PKD2L1: variants seen among roughly 807,000 people sequenced by gnomAD.
PKD2L1 encodes polycystin 2 like 1, transient receptor potential cation channel, also known as polycystin-2-like protein 1.
A neutral mutation model predicts 93.0 loss-of-function variants in PKD2L1; 77 were observed. The ratio of observed to expected loss-of-function variants is 0.83; its 90% CI spans 0.69 to 1.00. The LOEUF (loss-of-function observed/expected upper bound fraction) is 1.00, where lower values mean the gene tolerates loss of function less well. Among genes scored for constraint, PKD2L1 ranks in the 50% least tolerant of loss-of-function variants. The probability of loss-of-function intolerance (pLI) is 0.00; values close to 1 mark genes in which losing one functional copy is unlikely to be tolerated. For synonymous variants in PKD2L1, 390 were observed against 388.0 expected, an observed-to-expected ratio of 1.01 and a Z score of -0.06; for missense variants, 977 against 990.9, an observed-to-expected ratio of 0.99 and a Z score of 0.19.
rs370364209 is a variant in PKD2L1, at chr10:100,293,351, G to A, written c.1688C>T (p.Thr563Ile). The A allele has an allele frequency of 8.7e-6, 14 of 1,612,926 alleles. No individual in the cohort carries two copies. In the African/African-American group the frequency reaches 1.5e-4, roughly 17 times the overall value. The change falls in exon 10 of 16, where the codon ACA becomes ATA. Residue 563 changes from threonine to isoleucine, a missense_variant. Transcript: ENST00000318222. ...CAGCTCCTCCTTGACCTCTGAATAT[G>A]TGTCATTGATGATGGCCAGGAACAT... The part of the protein sequence containing the change: ...LNMFLAIIND[T>I]YSEVKEELAG...
rs970923785 is a variant in PKD2L1, at chr10:100,330,168, G to A, written c.-65C>T. ...CTCTCAGCTAGAGGAAGAGGGAGCA[G>A]AGGCACAGCCCAGCCTAGCCAGCAG... On this transcript the variant is annotated 5_prime_UTR_variant, in exon 1 of 16. Transcript: ENST00000318222. 8.7e-6 allele frequency: 9 copies of A among 1,034,330 alleles called. No homozygotes were observed. Among genetic ancestry groups the A allele is most frequent in the African/African-American group, 1.6e-5 (1 of 62,520 alleles). 64.1% of individuals were successfully genotyped at this position (1,034,330 alleles called of 1,614,324 possible).
chr10:100,302,017 T>G (rs1271137442), intron 2 of PKD2L1, among the ~76,000 whole-genome samples: 4 of 152,166 alleles, frequency 2.6e-5, no homozygotes, highest in Non-Finnish European at 5.9e-5. Flanking sequence ...GTATTTTTAG[T>G]AGAGATGGCG....
At chr10:100,293,748 C>T (rs1848459423) in intron 9 of PKD2L1, among the ~76,000 whole-genome samples, 2 of 152,122 alleles carry the variant, frequency 1.3e-5, no homozygotes, top group African/African-American at 2.4e-5. Context: ...TCATCTACCC[C>T]CCAATCCATA....
chr10:100,299,857 G>T, intron 2 of PKD2L1, 139 bp from the exon 3 acceptor site: 2 of 696,178 alleles, frequency 2.9e-6, no homozygotes, highest in South Asian at 3.8e-5. Flanking sequence ...ACTTGGTTAG[G>T]AGCCTAATGG....
intron 2 of PKD2L1, among the ~76,000 whole-genome samples, chr10:100,326,897 T>C (rs1228544219): frequency 6.6e-6 from 1 of 152,134 alleles, no homozygotes; most frequent in Non-Finnish European, 1.5e-5. Flanking sequence ...GTATTATGAA[T>C]GACTAGTTTA....
chr10:100,294,810 TG>T, intron 8 of PKD2L1, 131 bp downstream of exon 8: 2 of 1,312,182 alleles, frequency 1.5e-6, no homozygotes, highest in Non-Finnish European at 2.1e-6. Flanking sequence ...CCAGGGCTTC[TG>T]GAGACCCTCA....
At chr10:100,294,771 A>G in intron 8 of PKD2L1, 116 bp from the exon 9 acceptor site, 1 of 1,451,800 alleles carries the variant, frequency 6.9e-7, no homozygotes, top group Non-Finnish European at 9.6e-7. Flanking sequence ...GACACAGGGC[A>G]GGGTGCTTAG....
intron 2 of PKD2L1, among the ~76,000 whole-genome samples, chr10:100,314,790 T>A (rs112118379): frequency 6.6e-6 from 1 of 151,782 alleles, no homozygotes; most frequent in African/African-American, 2.4e-5. Context: ...CCCAGCACTT[T>A]GGGAGGCTGA....
intron 2 of PKD2L1, among the ~76,000 whole-genome samples, chr10:100,325,628 G>C (rs1849361470): frequency 6.6e-6 from 1 of 152,176 alleles, no homozygotes; most frequent in Admixed American, 6.5e-5. Context: ...GTAGTCTAAG[G>C]ATTTCAGGGT....
chr10:100,316,423 C>T (rs1212380313), intron 2 of PKD2L1, among the ~76,000 whole-genome samples: 2 of 152,218 alleles, frequency 1.3e-5, no homozygotes, highest in African/African-American at 2.4e-5. Context: ...CTGCCTGCCT[C>T]GGCCTCCCAA....
At chr10:100,329,364 A>G in intron 1 of PKD2L1, 40 bp from the exon 2 acceptor site, 2 of 1,613,750 alleles carry the variant, frequency 1.2e-6, no homozygotes, top group Non-Finnish European at 1.7e-6. Flanking sequence ...GCTCAGTGGC[A>G]GTGTTCCTCC....
chr10:100,315,033 A>G (rs1849060782), intron 2 of PKD2L1, among the ~76,000 whole-genome samples: 1 of 10,412 alleles, frequency 9.6e-5, no homozygotes. Flanking sequence ...AGGGAAGGGA[A>G]GGGAAGGGAA....
intron 2 of PKD2L1, among the ~76,000 whole-genome samples, chr10:100,314,941 AG>A: frequency 7.5e-6 from 1 of 132,544 alleles, no homozygotes; most frequent in Non-Finnish European, 1.6e-5. Context: ...AGGCTAAGGC[AG>A]AAAAGAAAGA....
rs1849464765 is a variant in PKD2L1 at position 100,329,849 on chromosome 10, A to T, written c.235+20T>A. ...CTCCTGATTCTAATATCCCAGGAGA[A>T]CTGTCCCCCTATCTGGTACCTCTGA... On this transcript the variant is annotated intron_variant, in intron 1 of 15. Coordinates refer to ENST00000318222, the MANE Select transcript of PKD2L1 (RefSeq NM_016112.3). The T allele has an allele frequency of 6.6e-7, 1 of 1,507,632 alleles. No homozygotes were observed. The highest frequency in any genetic ancestry group is 1.2e-5 in the South Asian group (1 of 85,754). The allele number at this position is 1,507,632 out of a possible 1,614,324, so 93.4% of individuals were successfully genotyped here.
intron 2 of PKD2L1, among the ~76,000 whole-genome samples, chr10:100,328,692 T>C (rs4919456): frequency 0.83 from 125,568 of 151,676 alleles, 52,182 homozygotes; most frequent in Non-Finnish European, 0.85. Flanking sequence ...CTCCTGGGTT[T>C]AAGCGATTCT....
chr10:100,323,008 G>A lies in PKD2L1; in HGVS notation c.349+6203C>T, dbSNP rs535913392. Among the ~76,000 whole-genome samples the A allele has an allele frequency of 4.7e-4, 71 of 152,310 alleles. 1 individual carries two copies. The South Asian group carries it at 0.013, about 28-fold the overall frequency. ...CATTGGAAGTAGTCAGTGAGATAAA[G>A]TACATAATATAGTGCTAGGTGCATT... On this transcript the variant is annotated intron_variant, in intron 2 of 15. Transcript: ENST00000318222.
intron 7 of PKD2L1, among the ~76,000 whole-genome samples, chr10:100,295,737 A>C (rs1340566071): frequency 6.7e-6 from 1 of 149,990 alleles, no homozygotes; most frequent in Non-Finnish European, 1.5e-5. Flanking sequence ...GTCTCAAAAA[A>C]AAAAAAAAAA....
intron 15 of PKD2L1, 103 bp downstream of exon 15, chr10:100,288,869 T>C: frequency 2.9e-6 from 2 of 684,452 alleles, no homozygotes. Flanking sequence ...GCAGCCATGA[T>C]GGGACCTGTT....
At position 100,294,565 on chromosome 10, in the gene PKD2L1, G is replaced by A; in HGVS notation, c.1629C>T (p.Thr543=). The change falls in exon 9 of 16, where the codon ACC becomes ACT. Residue 543 remains threonine, a synonymous_variant. Transcript: ENST00000318222. ...NRILGPAYFV[T]YVFFVFFVLL... is the part of the protein sequence containing the mutation. ...GCACGAAGAAGACGAAGAAGACATAGGTGACAAAGTAGGCAGGGCCCAGGA... is the reference window on the plus strand; with the variant it reads ...GCACGAAGAAGACGAAGAAGACATAAGTGACAAAGTAGGCAGGGCCCAGGA... 1 of 1,614,020 alleles carries A rather than the reference G, an allele frequency of 6.2e-7. No homozygotes were observed. The highest frequency in any genetic ancestry group is 8.5e-7 in the Non-Finnish European group (1 of 1,180,002).
Sources: gnomAD v4.1 joint callset for allele counts (sites outside exome capture counted in the v4.1 genomes callset) on GRCh38, gnomAD v4.1.1 for gene constraint, MANE v1.5 for transcripts, NCBI Gene and HGNC (gene_info 2026-07-23, HGNC 2026-07-21) for gene names.